Variants in KDM4C observed in about 807,000 individuals in gnomAD.
KDM4C encodes lysine-specific demethylase 4C.
Under a neutral mutation model 129.3 loss-of-function variants are expected in KDM4C, and 81 were observed. The ratio of observed to expected loss-of-function variants is 0.63; its 90% CI spans 0.52 to 0.75. The LOEUF (loss-of-function observed/expected upper bound fraction) is 0.75, where lower values mean the gene tolerates loss of function less well. KDM4C is among the 30% of genes least tolerant of loss of function. The probability of loss-of-function intolerance (pLI) is 0.00; values close to 1 mark genes in which losing one functional copy is unlikely to be tolerated. For missense variants in KDM4C, 1,457 were observed against 1,304.0 expected (o/e 1.12, Z -1.81); for synonymous variants, 573 against 456.1 (o/e 1.26, Z -3.26).
At chr9:7,120,726 T>G (rs1839400137) in intron 18 of KDM4C, among the ~76,000 whole-genome samples, 1 of 152,224 alleles carries the variant, frequency 6.6e-6, no homozygotes, top group Non-Finnish European at 1.5e-5. Flanking sequence ...TATGACCAAA[T>G]TTTTATCATT....
intron 15 of KDM4C, among the ~76,000 whole-genome samples, chr9:7,037,034 C>G (rs770218618): frequency 1.3e-5 from 2 of 152,160 alleles, no homozygotes; most frequent in Non-Finnish European, 2.9e-5. Flanking sequence ...CTCTGTCCTT[C>G]GGTGAGAGAT....
chr9:7,142,928 C>G (rs1841900122), intron 19 of KDM4C, among the ~76,000 whole-genome samples: 1 of 152,106 alleles, frequency 6.6e-6, no homozygotes, highest in Non-Finnish European at 1.5e-5. Context: ...ATGCTAAAAG[C>G]TAGGAATTAC....
intron 1 of KDM4C, among the ~76,000 whole-genome samples, chr9:6,772,746 G>T (rs1236227308): frequency 1.4e-5 from 2 of 144,410 alleles, no homozygotes; most frequent in Non-Finnish European, 3.0e-5. Flanking sequence ...ATGCTGGAGT[G>T]AAGTGGCGCC....
intron 4 of KDM4C, among the ~76,000 whole-genome samples, chr9:6,847,603 G>C (rs1838081559): frequency 6.6e-6 from 1 of 152,170 alleles, no homozygotes; most frequent in African/African-American, 2.4e-5. Context: ...TGTTAGCCAG[G>C]ATGGTCTCGA....
chr9:6,792,143 T>C (rs942446305), intron 1 of KDM4C, among the ~76,000 whole-genome samples: 2 of 151,910 alleles, frequency 1.3e-5, no homozygotes, highest in African/African-American at 4.8e-5. Flanking sequence ...GAGTTCTAGA[T>C]CAGCCTGGCT....
chr9:7,040,387 G>C (rs7852299), intron 15 of KDM4C, among the ~76,000 whole-genome samples: 108 of 77,786 alleles, frequency 1.4e-3, no homozygotes, highest in African/African-American at 3.8e-3. Flanking sequence ...GTGTGTGTGT[G>C]TGTGTGTGTG....
At chr9:6,923,414 A>G (rs1312972334) in intron 8 of KDM4C, among the ~76,000 whole-genome samples, 1 of 151,922 alleles carries the variant, frequency 6.6e-6, no homozygotes, top group Non-Finnish European at 1.5e-5. Flanking sequence ...CTGAGTGGCT[A>G]TCTTATGAGC....
chr9:6,921,473 C>G (rs1258273930), intron 8 of KDM4C, among the ~76,000 whole-genome samples: 2 of 152,200 alleles, frequency 1.3e-5, no homozygotes, highest in Non-Finnish European at 2.9e-5. Context: ...CACTCGCTTT[C>G]TGTTTAATCA....
intron 5 of KDM4C, among the ~76,000 whole-genome samples, chr9:6,849,957 C>T (rs909612980): frequency 3.3e-5 from 5 of 152,194 alleles, no homozygotes; most frequent in Non-Finnish European, 5.9e-5. Context: ...ATACAACGGT[C>T]ATCCTGAGTT....
intron 17 of KDM4C, among the ~76,000 whole-genome samples, chr9:7,054,826 C>A (rs920785419): frequency 6.6e-4 from 100 of 152,226 alleles, no homozygotes; most frequent in African/African-American, 2.3e-3. Context: ...TGTAGCAGAT[C>A]CTAAATGCAA....
chr9:7,089,247 T>A (rs1418125121), intron 17 of KDM4C, among the ~76,000 whole-genome samples: 1 of 142,798 alleles, frequency 7.0e-6, no homozygotes, highest in Middle Eastern at 3.4e-3. Flanking sequence ...TGTATTTTAT[T>A]TTATTTTTTT....
intron 18 of KDM4C, among the ~76,000 whole-genome samples, chr9:7,120,274 CCTT>C (rs1052512963): frequency 6.6e-6 from 1 of 152,030 alleles, no homozygotes; most frequent in Non-Finnish European, 1.5e-5. Context: ...ATACTTTCCT[CCTT>C]CTTCAGGTTG....
At chr9:6,922,824 C>G (rs1469850275) in intron 8 of KDM4C, among the ~76,000 whole-genome samples, 1 of 152,216 alleles carries the variant, frequency 6.6e-6, no homozygotes, top group African/African-American at 2.4e-5. Context: ...CTTTCACTGT[C>G]ACTAATAATT....
chr9:6,882,774 G>A (rs1195321015), intron 6 of KDM4C, among the ~76,000 whole-genome samples: 2 of 33,300 alleles, frequency 6.0e-5, no homozygotes, highest in Admixed American at 3.8e-4. Flanking sequence ...TTAAGCATTT[G>A]TGTGTGTGTG....
intron 17 of KDM4C, among the ~76,000 whole-genome samples, chr9:7,091,930 C>T (rs1477495427): frequency 6.6e-6 from 1 of 152,214 alleles, no homozygotes; most frequent in East Asian, 1.9e-4. Context: ...GCACATGCTT[C>T]TCTGCGCTGT....
At chr9:6,913,947 A>C (rs1819813321) in intron 8 of KDM4C, among the ~76,000 whole-genome samples, 1 of 152,036 alleles carries the variant, frequency 6.6e-6, no homozygotes, top group South Asian at 2.1e-4. Context: ...GGGTTTAAGC[A>C]CTCCTTTAGG....
At chr9:6,990,794 T>A (rs1022307048) in intron 12 of KDM4C, among the ~76,000 whole-genome samples, 1 of 152,148 alleles carries the variant, frequency 6.6e-6, no homozygotes, top group Non-Finnish European at 1.5e-5. Flanking sequence ...TGTTTTAGGG[T>A]TCTACAGAAG....
chr9:6,721,534 TCGGCC>T (rs2130169066), intron 1 of KDM4C, among the ~76,000 whole-genome samples: 1 of 151,702 alleles, frequency 6.6e-6, no homozygotes, highest in East Asian at 1.9e-4. Context: ...CCTACCCGTC[TCGGCC>T]TCCCAAAGTG....
At chr9:7,016,065 TC>T in intron 15 of KDM4C, 136 bp downstream of exon 15, 2 of 514,200 alleles carry the variant, frequency 3.9e-6, no homozygotes, top group East Asian at 6.4e-5. Flanking sequence ...TTTCTAGTCT[TC>T]CCTCTCAAAA....
Sources: allele counts gnomAD v4.1 joint callset (sites outside exome capture counted in the v4.1 genomes callset), GRCh38; gene constraint gnomAD v4.1.1; transcripts MANE v1.5; gene names NCBI Gene and HGNC (gene_info 2026-07-23, HGNC 2026-07-21).